Variants in CA8 observed in about 807,000 individuals in gnomAD.
CA8 encodes the protein carbonic anhydrase 8 (inactive).
CA8 carries 22 observed loss-of-function variants against 41.4 expected under a neutral mutation model. The observed-to-expected ratio is 0.53, with a 90% CI of 0.38 to 0.76. CA8 has a LOEUF of 0.76. CA8 is among the 30% of genes least tolerant of loss of function. The pLI, the probability that CA8 is intolerant of heterozygous loss-of-function variation, is 0.00. For missense variants in CA8, 270 were observed against 352.8 expected (o/e 0.77, Z 1.88); for synonymous variants, 121 against 130.6 (o/e 0.93, Z 0.50).
intron 8 of CA8, among the ~76,000 whole-genome samples, chr8:60,191,901 T>C (rs1175696694): frequency 6.6e-6 from 1 of 152,140 alleles, no homozygotes. Context: ...ACATACATGT[T>C]GGTGTCCTAT....
intron 7 of CA8, among the ~76,000 whole-genome samples, chr8:60,212,298 G>A (rs1241076107): frequency 1.3e-5 from 2 of 152,150 alleles, no homozygotes; most frequent in East Asian, 3.8e-4. Flanking sequence ...GCAGTTTAGG[G>A]CTACTTAACT....
intron 8 of CA8, among the ~76,000 whole-genome samples, chr8:60,199,811 GC>G (rs1452220665): frequency 6.6e-6 from 1 of 152,114 alleles, no homozygotes; most frequent in Non-Finnish European, 1.5e-5. Context: ...AACTGAAGTA[GC>G]CCAAAGGATG....
intron 3 of CA8, among the ~76,000 whole-genome samples, chr8:60,234,965 C>G (rs1807781924): frequency 6.6e-6 from 1 of 152,198 alleles, no homozygotes; most frequent in East Asian, 1.9e-4. Context: ...CATTCTGGAA[C>G]TTGGCCAACC....
intron 7 of CA8, among the ~76,000 whole-genome samples, chr8:60,220,375 C>T (rs1208274183): frequency 6.6e-6 from 1 of 152,086 alleles, no homozygotes; most frequent in Non-Finnish European, 1.5e-5. Flanking sequence ...CTAGGGAAAA[C>T]ATTAGGTACC....
chr8:60,189,483 C>G lies in CA8; in HGVS notation c.*538G>C, dbSNP rs138953388. The G allele has an allele frequency of 1.3e-5, 2 of 152,020 alleles. No homozygotes were observed. Among genetic ancestry groups the G allele is most frequent in the African/African-American group, 4.8e-5 (2 of 41,408 alleles). 9.4% of individuals were successfully genotyped at this position (152,020 alleles called of 1,614,324 possible). On this transcript the variant is annotated 3_prime_UTR_variant, in exon 9 of 9. Coordinates refer to ENST00000317995, the MANE Select transcript of CA8 (RefSeq NM_004056.6). Reference sequence around the variant, plus strand: ...CCTAATATTAATTGTGGTATGGGTGCTGAAAAAATAAAATGAGACATAATT... The same window carrying G: ...CCTAATATTAATTGTGGTATGGGTGGTGAAAAAATAAAATGAGACATAATT...
At chr8:60,247,399 C>A (rs1038360169) in intron 3 of CA8, among the ~76,000 whole-genome samples, 3 of 152,158 alleles carry the variant, frequency 2.0e-5, no homozygotes, top group African/African-American at 7.2e-5. Flanking sequence ...AACTCTCTCC[C>A]TCCCCTTCCG....
chr8:60,279,775 C>T lies in CA8; in HGVS notation c.206G>A (p.Arg69His), dbSNP rs142471870. ...GCACACCACATAATTTGGGGAGAGG[C>T]GGACATCCAACAGCGAGGGGTCATA... ...ARYDPSLLDV[R>H]LSPNYVVCRD... Residue 69 changes from arginine (R) to histidine (H), a missense_variant, in exon 2 of 9, where the codon CGC becomes CAC. Arg to His is a conservative substitution (Grantham distance 29, BLOSUM62 0). Coordinates refer to ENST00000317995, the MANE Select transcript of CA8 (RefSeq NM_004056.6). 1.3e-5 allele frequency: 21 copies of T among 1,613,972 alleles called. No individual in the cohort carries two copies. In the Admixed American group the frequency reaches 2.5e-4, roughly 19 times the overall value.
At chr8:60,245,738 A>T (rs560190580) in intron 3 of CA8, among the ~76,000 whole-genome samples, 2 of 152,328 alleles carry the variant, frequency 1.3e-5, no homozygotes, top group Admixed American at 1.3e-4. Context: ...TGGAACTTGT[A>T]CCAAAACAGC....
At chr8:60,267,494 T>C (rs1195197930) in intron 2 of CA8, among the ~76,000 whole-genome samples, 2 of 152,234 alleles carry the variant, frequency 1.3e-5, no homozygotes, top group Non-Finnish European at 2.9e-5. Flanking sequence ...TTTTAGATTT[T>C]AGTGTTTGTC....
intron 3 of CA8, among the ~76,000 whole-genome samples, chr8:60,247,335 C>A (rs1209023515): frequency 6.6e-6 from 1 of 152,106 alleles, no homozygotes; most frequent in Non-Finnish European, 1.5e-5. Flanking sequence ...GTTTGCTGCA[C>A]CTATCAACCC....
At chr8:60,236,629 G>A (rs1054775023) in intron 3 of CA8, among the ~76,000 whole-genome samples, 2 of 152,184 alleles carry the variant, frequency 1.3e-5, no homozygotes, top group South Asian at 2.1e-4. Flanking sequence ...TCCCTTTGGG[G>A]AGGGGGGATG....
chr8:60,217,861 A>G (rs1027454839), intron 7 of CA8, among the ~76,000 whole-genome samples: 6 of 152,040 alleles, frequency 3.9e-5, no homozygotes, highest in Non-Finnish European at 1.5e-5. Context: ...CCTTCCCTCC[A>G]TCTCATTGCC....
intron 2 of CA8, among the ~76,000 whole-genome samples, chr8:60,267,266 T>C (rs541897359): frequency 3.9e-5 from 6 of 152,098 alleles, no homozygotes; most frequent in African/African-American, 1.2e-4. Flanking sequence ...AGGCAGAAAA[T>C]AGATGGAGAA....
Position 60,189,862 on chromosome 8 carries a change from A to G in CA8, c.*159T>C, listed in dbSNP as rs959289646. On this transcript the variant is annotated 3_prime_UTR_variant, in exon 9 of 9. Transcript: ENST00000317995. ...TTCAGCAAGTGTACAGGCAACCATC[A>G]CAGATGTCCATCAAAGCTGGATTAG... The G allele has an allele frequency of 1.3e-5, 2 of 152,422 alleles. No individual in the cohort carries two copies. Among genetic ancestry groups the G allele is most frequent in the African/African-American group, 2.4e-5 (1 of 41,420 alleles). 9.4% of individuals were successfully genotyped at this position (152,422 alleles called of 1,614,324 possible).
At chr8:60,280,036 GCATT>G (rs956505262) in intron 1 of CA8, among the ~76,000 whole-genome samples, 156 bp from the exon 2 acceptor site, 9 of 152,122 alleles carry the variant, frequency 5.9e-5, no homozygotes, top group African/African-American at 2.2e-4. Context: ...ATTTGTTTTT[GCATT>G]CATTATTTGA....
At chr8:60,217,008 C>T (rs1218981939) in intron 7 of CA8, among the ~76,000 whole-genome samples, 1 of 152,082 alleles carries the variant, frequency 6.6e-6, no homozygotes, top group Non-Finnish European at 1.5e-5. Context: ...CTCAGCCTCC[C>T]AAGTAGCTGG....
intron 3 of CA8, among the ~76,000 whole-genome samples, chr8:60,233,058 T>C (rs1259272584): frequency 2.6e-5 from 4 of 152,224 alleles, no homozygotes; most frequent in African/African-American, 4.8e-5. Context: ...ATCTAGAATA[T>C]GCACTTGCTC....
At chr8:60,192,054 C>T (rs1806146203) in intron 8 of CA8, among the ~76,000 whole-genome samples, 1 of 152,020 alleles carries the variant, frequency 6.6e-6, no homozygotes, top group Non-Finnish European at 1.5e-5. Flanking sequence ...AACTCAATAC[C>T]CTATGCTATT....
intron 8 of CA8, among the ~76,000 whole-genome samples, chr8:60,206,007 AG>A (rs1390887254): frequency 6.6e-6 from 1 of 152,254 alleles, no homozygotes; most frequent in Non-Finnish European, 1.5e-5. Context: ...TCAAATAAAA[AG>A]TACACACACA....
Sources: gnomAD v4.1 joint callset for allele counts (sites outside exome capture counted in the v4.1 genomes callset) on GRCh38, gnomAD v4.1.1 for gene constraint, MANE v1.5 for transcripts, NCBI Gene and HGNC (gene_info 2026-07-23, HGNC 2026-07-21) for gene names.